The following ATP6V0A1 variants were observed in gnomAD, a reference collection of about 807,000 sequenced individuals.
ATP6V0A1 encodes V-type proton ATPase 116 kDa subunit a 1.
In ATP6V0A1, 43 loss-of-function variants were observed where a neutral mutation model predicts 105.4. The ratio of observed to expected loss-of-function variants is 0.41; its 90% CI spans 0.32 to 0.53. The LOEUF (loss-of-function observed/expected upper bound fraction) is 0.53. ATP6V0A1 is among the 20% of genes least tolerant of loss of function. The probability of loss-of-function intolerance (pLI) is 0.30; values close to 1 mark genes in which losing one functional copy is unlikely to be tolerated. For missense variants in ATP6V0A1, 676 were observed against 1,051.1 expected (o/e 0.64, Z 4.93); for synonymous variants, 362 against 372.8 (o/e 0.97, Z 0.33).
rs144192654 is a variant in ATP6V0A1, at chr17:42,501,279, G to A, written c.1979G>A (p.Arg660His). The A allele has an allele frequency of 4.2e-5, 68 of 1,613,754 alleles. No homozygotes were observed. The highest frequency in any genetic ancestry group is 1.7e-4 in the African/African-American group (13 of 74,890). ...MLLFKPLVLR[R>H]QYLRRKHLGT... The stretch of plus-strand genomic sequence containing the variant: ...CTGTTTAAACCATTGGTCCTTCGCC[G>A]TCAGTATTTGAGGAGAAAGCATTTG... The change falls in exon 17 of 22, where the codon CGT (arginine) becomes CAT (histidine). Residue 660 changes from arginine to histidine, a missense_variant. Coordinates refer to ENST00000343619, the MANE Select transcript of ATP6V0A1 (RefSeq NM_001130021.3).
intron 12 of ATP6V0A1, 74 bp from the exon 13 acceptor site, chr17:42,494,960 A>G (rs1409380702): frequency 1.4e-6 from 2 of 1,477,476 alleles, no homozygotes; most frequent in East Asian, 4.6e-5. Flanking sequence ...AGGGGCAGGT[A>G]TATTCTGAAT....
chr17:42,469,976 C>T, intron 4 of ATP6V0A1, 114 bp from the exon 5 acceptor site: 1 of 1,114,632 alleles, frequency 9.0e-7, no homozygotes. Context: ...CTAGGCAAGT[C>T]CAAGTTCTCT....
Position 42,478,457 on chromosome 17 carries a change from C to T in ATP6V0A1, c.507-6C>T, listed in dbSNP as rs1265882134. 8 of 1,594,228 alleles carry T rather than the reference C, an allele frequency of 5.0e-6. No individual in the cohort carries two copies. The highest frequency in any genetic ancestry group is 6.8e-6 in the Non-Finnish European group (8 of 1,168,270). ...AGAGTTTCCAATCTGCCTCTTCTCC[C>T]CACAGCTTCGTGGCTGGTGTCATTA... On this transcript the variant is annotated splice_polypyrimidine_tract_variant and splice_region_variant and intron_variant, in intron 6 of 21. Transcript: ENST00000343619.
Position 42,521,923 on chromosome 17 carries a change from G to T in ATP6V0A1, c.*803G>T. The T allele has an allele frequency of 6.6e-6, 1 of 152,658 alleles. No individual in the cohort carries two copies. The highest frequency in any genetic ancestry group is 1.5e-5 in the Non-Finnish European group (1 of 68,252). The allele number at this position is 152,658 out of a possible 1,614,324, so 9.5% of individuals were successfully genotyped here. On this transcript the variant is annotated 3_prime_UTR_variant, in exon 22 of 22. Coordinates refer to ENST00000343619, the MANE Select transcript of ATP6V0A1 (RefSeq NM_001130021.3). The surrounding 1 kb of genome is among the most constrained non-coding windows in gnomAD (Gnocchi z 4.8). ...CCCACAAGCACACCCTCAGGCCGAG[G>T]GTGCAGACTGATGCTCTTCCCTGAT...
rs1333299841 is a variant in ATP6V0A1, at chr17:42,467,993, T to G, written c.197-17T>G. 6.4e-7 allele frequency: 1 copy of G among 1,570,110 alleles called. No individual in the cohort carries two copies. The highest frequency in any genetic ancestry group is 8.7e-7 in the Non-Finnish European group (1 of 1,146,992). ...CATGTGCAGTTAGACATGAATGTTT[T>G]GATTCTGTCATTTTAGGATTTGTTG... On this transcript the variant is annotated splice_polypyrimidine_tract_variant and intron_variant, in intron 3 of 21. Transcript: ENST00000343619.
chr17:42,480,848 C>A, intron 8 of ATP6V0A1, 99 bp downstream of exon 8: 1 of 1,018,140 alleles, frequency 9.8e-7, no homozygotes, highest in Non-Finnish European at 1.4e-6. Context: ...TTTTAGTCTA[C>A]CTCAACACAG....
chr17:42,466,313 T>C (rs1598687219), intron 2 of ATP6V0A1, 116 bp from the exon 3 acceptor site: 1 of 788,104 alleles, frequency 1.3e-6, no homozygotes, highest in Non-Finnish European at 2.1e-6. Context: ...TTTTGATTAG[T>C]GTTGCATCAT....
chr17:42,504,553 G>A (rs1005921324), intron 17 of ATP6V0A1, among the ~76,000 whole-genome samples: 1 of 152,146 alleles, frequency 6.6e-6, no homozygotes, highest in African/African-American at 2.4e-5. Context: ...TCCACCTTCT[G>A]AGGGTTGCCA....
intron 17 of ATP6V0A1, among the ~76,000 whole-genome samples, chr17:42,503,241 T>C (rs538466423): frequency 3.8e-4 from 58 of 152,376 alleles, no homozygotes; most frequent in Non-Finnish European, 7.6e-4. Flanking sequence ...GAAGCGAGAA[T>C]ATCTCTGTGA....
chr17:42,490,958 C>T (rs1337184406), intron 11 of ATP6V0A1, among the ~76,000 whole-genome samples: 1 of 152,160 alleles, frequency 6.6e-6, no homozygotes, highest in Non-Finnish European at 1.5e-5. Context: ...CTCGTGGGCT[C>T]AAGTGATTCT....
chr17:42,484,065 C>T (rs1357308303), intron 9 of ATP6V0A1, among the ~76,000 whole-genome samples: 4 of 150,956 alleles, frequency 2.6e-5, no homozygotes, highest in Non-Finnish European at 5.9e-5. Context: ...TTTGTTTGTT[C>T]GTTTGTTTGT....
intron 7 of ATP6V0A1, among the ~76,000 whole-genome samples, chr17:42,479,303 TTTTG>T (rs2089194147): frequency 6.6e-6 from 1 of 152,248 alleles, no homozygotes; most frequent in South Asian, 2.1e-4. Context: ...GGTAAAGTTT[TTTTG>T]TTTGTTTGTT....
chr17:42,464,354 C>T (rs2086781317), intron 2 of ATP6V0A1, among the ~76,000 whole-genome samples: 2 of 151,670 alleles, frequency 1.3e-5, no homozygotes, highest in South Asian at 2.1e-4. Context: ...ATTGAGTTCT[C>T]GAAGAGAGAA....
At chr17:42,468,843 CTATTTTATTT>C (rs10531131) in intron 4 of ATP6V0A1, among the ~76,000 whole-genome samples, 3 of 150,908 alleles carry the variant, frequency 2.0e-5, no homozygotes, top group East Asian at 3.9e-4. Context: ...AAGTTATCTA[CTATTTTATTT>C]TATTTTATTT....
intron 5 of ATP6V0A1, among the ~76,000 whole-genome samples, chr17:42,476,608 T>C (rs751283238): frequency 2.0e-5 from 3 of 152,146 alleles, no homozygotes; most frequent in Non-Finnish European, 4.4e-5. Context: ...TTGTTTTGTT[T>C]TGTTTTTTGG....
Position 42,513,883 on chromosome 17 carries a change from T to C in ATP6V0A1, c.2153T>C (p.Val718Ala). The change falls in exon 20 of 22, where the codon GTC becomes GCC. Residue 718 changes from valine to alanine, a missense_variant. By Grantham distance (64) the Val-to-Ala change is moderately conservative (BLOSUM62 0). Coordinates refer to ENST00000343619, the MANE Select transcript of ATP6V0A1 (RefSeq NM_001130021.3). ...DEVFDFGDTMVHQAIHTIEYC... is the reference protein window; with the variant it reads ...DEVFDFGDTMAHQAIHTIEYC... ...CAGTTTGACTTTGGGGACACCATGG[T>C]CCACCAGGCCATCCACACCATCGAG... The C allele has an allele frequency of 6.2e-7, 1 of 1,614,108 alleles. No homozygotes were observed. The highest frequency in any genetic ancestry group is 8.5e-7 in the Non-Finnish European group (1 of 1,179,990).
chr17:42,480,893 A>G (rs2089410803), intron 8 of ATP6V0A1, 144 bp downstream of exon 8: 3 of 647,298 alleles, frequency 4.6e-6, no homozygotes, highest in East Asian at 3.2e-5. Context: ...ATTTTAATCA[A>G]TTAGAAATAG....
Position 42,461,019 on chromosome 17 carries a change from G to T in ATP6V0A1, c.117+8G>T, listed in dbSNP as rs1291079265. Reference sequence around the variant, plus strand: ...AAGGTTCAGTTTCGTGACGTAAGTAGTTGTGGGGCTGCGACTTGATTACTG... The same window carrying T: ...AAGGTTCAGTTTCGTGACGTAAGTATTTGTGGGGCTGCGACTTGATTACTG... On this transcript the variant is annotated splice_region_variant and intron_variant, in intron 2 of 21. Coordinates refer to ENST00000343619, the MANE Select transcript of ATP6V0A1 (RefSeq NM_001130021.3). 3 of 1,606,040 alleles carry T rather than the reference G, an allele frequency of 1.9e-6. No homozygotes were observed. Among genetic ancestry groups the T allele is most frequent in the Non-Finnish European group, 2.6e-6 (3 of 1,172,646 alleles).
intron 5 of ATP6V0A1, among the ~76,000 whole-genome samples, chr17:42,476,905 A>G (rs954600814): frequency 6.6e-6 from 1 of 152,216 alleles, no homozygotes; most frequent in South Asian, 2.1e-4. Flanking sequence ...TAGTCAGAAA[A>G]TGGGACATTC....
Sources: gnomAD v4.1 joint callset for allele counts (sites outside exome capture counted in the v4.1 genomes callset) on GRCh38, gnomAD v4.1.1 for gene constraint, Gnocchi (gnomAD v3.1) non-coding constraint, MANE v1.5 for transcripts, NCBI Gene and HGNC (gene_info 2026-07-23, HGNC 2026-07-21) for gene names.